The following ADAM20 variants were observed in gnomAD, a reference collection of about 807,000 sequenced individuals.
ADAM20 encodes the protein disintegrin and metalloproteinase domain-containing protein 20.
For synonymous variants in ADAM20, 305 were observed against 310.2 expected, an observed-to-expected ratio of 0.98 and a Z score of 0.18; for missense variants, 871 against 883.2, an observed-to-expected ratio of 0.99 and a Z score of 0.18.
the ADAM20 span, among the ~76,000 whole-genome samples, chr14:70,568,982 C>T: frequency 6.6e-6 from 1 of 151,892 alleles, no homozygotes; most frequent in Non-Finnish European, 1.5e-5. Context: ...ACAACACAAC[C>T]GTTCCCAAGG....
upstream of ADAM20, among the ~76,000 whole-genome samples, chr14:70,535,631 A>T (rs1160456243): frequency 6.6e-6 from 1 of 152,048 alleles, no homozygotes; most frequent in Non-Finnish European, 1.5e-5. Flanking sequence ...CTCAAGACAT[A>T]CTCCTACCAC....
chr14:70,522,830 C>G lies in ADAM20; in HGVS notation c.1928G>C (p.Arg643Thr). ...QACQPKTCNMRGICNNKQHCH... is the reference protein window; with the variant it reads ...QACQPKTCNMTGICNNKQHCH... ...GTGTTGTTTGTTGTTGCAGATTCCC[C>G]TCATGTTGCAGGTCTTAGGCTGACA... is the stretch of plus-strand genomic sequence containing the variant. The change falls in exon 2 of 2, where the codon AGG becomes ACG. Residue 643 changes from arginine to threonine, a missense_variant. Transcript: ENST00000256389. 2 of 1,614,046 alleles carry G rather than the reference C, an allele frequency of 1.2e-6. No individual in the cohort carries two copies. The highest frequency in any genetic ancestry group is 1.1e-5 in the South Asian group (1 of 91,084).
chr14:70,573,895 A>C, the ADAM20 span, among the ~76,000 whole-genome samples: 1 of 152,228 alleles, frequency 6.6e-6, no homozygotes, highest in Admixed American at 6.5e-5. Flanking sequence ...TAATAGAACA[A>C]AGAGGAAAGT....
intron 1 of ADAM20, among the ~76,000 whole-genome samples, chr14:70,528,614 C>A (rs1333542979): frequency 6.6e-6 from 1 of 152,132 alleles, no homozygotes; most frequent in East Asian, 1.9e-4. Context: ...TGGAGATAAT[C>A]TGACCATGCC....
upstream of ADAM20, among the ~76,000 whole-genome samples, chr14:70,535,607 G>A (rs187748841): frequency 3.3e-5 from 5 of 152,174 alleles, no homozygotes; most frequent in East Asian, 3.9e-4. Context: ...TCCTGAAAAC[G>A]GATGCCTAGA....
intron 1 of ADAM20, among the ~76,000 whole-genome samples, chr14:70,529,091 A>G (rs2139536446): frequency 6.6e-6 from 1 of 152,310 alleles, no homozygotes; most frequent in East Asian, 1.9e-4. Context: ...TAATAGTAAG[A>G]TATTTTGATA....
chr14:70,528,555 C>T (rs538657302), intron 1 of ADAM20, among the ~76,000 whole-genome samples: 4 of 152,212 alleles, frequency 2.6e-5, no homozygotes, highest in South Asian at 2.1e-4. Context: ...ATTGGAGAAT[C>T]CTTCTTAGGA....
the ADAM20 span, among the ~76,000 whole-genome samples, chr14:70,560,495 TGAAAA>T: frequency 8.9e-4 from 136 of 152,150 alleles, 2 homozygotes; most frequent in Admixed American, 2.2e-3. Flanking sequence ...TGAGCAAACC[TGAAAA>T]GAAATGTGAC....
At chr14:70,539,843 C>T (rs953197605), upstream of ADAM20, among the ~76,000 whole-genome samples, 15 of 152,140 alleles carry the variant, frequency 9.9e-5, no homozygotes, top group Admixed American at 7.2e-4. Context: ...CTACCCCTGC[C>T]CTCACTAAAC....
At chr14:70,540,611 A>AT in the ADAM20 span, among the ~76,000 whole-genome samples, 2 of 151,742 alleles carry the variant, frequency 1.3e-5, no homozygotes, top group Admixed American at 6.6e-5. Flanking sequence ...TGCTTGTGTA[A>AT]TTTTTTTAAC....
At chr14:70,558,591 G>T in the ADAM20 span, among the ~76,000 whole-genome samples, 12 of 152,134 alleles carry the variant, frequency 7.9e-5, no homozygotes, top group African/African-American at 2.9e-4. Context: ...TAAGAGTACA[G>T]AACTATAGTG....
chr14:70,523,088 G>A lies in ADAM20; in HGVS notation c.1670C>T (p.Pro557Leu), dbSNP rs2139527608. ...CTGAACCCTCCCACACATGATATCAGGGGTCCAACATTTTACATATGTTGT... is the reference window on the plus strand; with the variant it reads ...CTGAACCCTCCCACACATGATATCAAGGGTCCAACATTTTACATATGTTGT... ...VGTTYVKCWT[P>L]DIMCGRVQCE... The change falls in exon 2 of 2, where the codon CCT becomes CTT. Residue 557 changes from proline (P) to leucine (L), a missense_variant. Pro to Leu is a moderately conservative substitution (Grantham distance 98, BLOSUM62 -3). Coordinates refer to ENST00000256389, the MANE Select transcript of ADAM20 (RefSeq NM_003814.5). The A allele has an allele frequency of 1.9e-6, 3 of 1,613,934 alleles. No individual in the cohort carries two copies. Among genetic ancestry groups the A allele is most frequent in the Non-Finnish European group, 2.5e-6 (3 of 1,179,948 alleles).
chr14:70,553,543 A>G, the ADAM20 span, among the ~76,000 whole-genome samples: 1 of 149,486 alleles, frequency 6.7e-6, no homozygotes, highest in Non-Finnish European at 1.5e-5. Flanking sequence ...AAAAAAAAAA[A>G]AAAAACTAGC....
chr14:70,552,972 T>C, the ADAM20 span, among the ~76,000 whole-genome samples: 1 of 54,246 alleles, frequency 1.8e-5, no homozygotes, highest in Non-Finnish European at 3.4e-5. Context: ...TGGAATACTA[T>C]GCAGCCATAA....
At chr14:70,528,091 T>TAGAAATTA (rs1288578401) in intron 1 of ADAM20, among the ~76,000 whole-genome samples, 2 of 152,224 alleles carry the variant, frequency 1.3e-5, no homozygotes, top group African/African-American at 4.8e-5. Context: ...ACATCACCAG[T>TAGAAATTA]TAAACTATAA....
chr14:70,555,647 A>G, the ADAM20 span, among the ~76,000 whole-genome samples: 1 of 152,206 alleles, frequency 6.6e-6, no homozygotes, highest in Non-Finnish European at 1.5e-5. Flanking sequence ...TTCACGACAG[A>G]CATTAAGGCG....
Position 70,524,667 on chromosome 14 carries a change from C to G in ADAM20, c.91G>C (p.Ala31Pro). ...MFLSISGHSQ[A>P]RPSQYFTSPE... Reference sequence around the variant, plus strand: ...GAAGTGAAATACTGGGAGGGCCTGGCCTGAGAGTGGCCAGAAATAGACAAA... The same window carrying G: ...GAAGTGAAATACTGGGAGGGCCTGGGCTGAGAGTGGCCAGAAATAGACAAA... Residue 31 changes from alanine to proline, a missense_variant, in exon 2 of 2, where the codon GCC becomes CCC. Coordinates refer to ENST00000256389, the MANE Select transcript of ADAM20 (RefSeq NM_003814.5). 1 of 1,614,000 alleles carries G rather than the reference C, an allele frequency of 6.2e-7. No homozygotes were observed. The highest frequency in any genetic ancestry group is 8.5e-7 in the Non-Finnish European group (1 of 1,179,950).
At chr14:70,555,842 CTCT>C in the ADAM20 span, among the ~76,000 whole-genome samples, 1 of 152,210 alleles carries the variant, frequency 6.6e-6, no homozygotes, top group Admixed American at 6.5e-5. Flanking sequence ...GTTCAATTCC[CTCT>C]TGTTTTCACC....
At chr14:70,546,209 C>T in the ADAM20 span, among the ~76,000 whole-genome samples, 1 of 152,096 alleles carries the variant, frequency 6.6e-6, no homozygotes, top group African/African-American at 2.4e-5. Context: ...AAAAGCCATA[C>T]TAAGAGAGAA....
Sources: gnomAD v4.1 joint callset for allele counts (sites outside exome capture counted in the v4.1 genomes callset) on GRCh38, gnomAD v4.1.1 for gene constraint, MANE v1.5 for transcripts, NCBI Gene and HGNC (gene_info 2026-07-23, HGNC 2026-07-21) for gene names.